The following SMYD3 variants were observed in gnomAD, a reference collection of about 807,000 sequenced individuals.
The protein encoded by SMYD3 is SET and MYND domain containing 3.
A neutral mutation model predicts 57.7 loss-of-function variants in SMYD3; 36 were observed. The ratio of observed to expected loss-of-function variants is 0.62; its 90% CI spans 0.48 to 0.82. SMYD3 has a LOEUF of 0.82. Ranked by LOEUF, SMYD3 falls within the 40% of genes least tolerant of loss-of-function variation. The probability of loss-of-function intolerance (pLI) is 0.00; values close to 1 mark genes in which losing one functional copy is unlikely to be tolerated. For missense variants in SMYD3, 515 were observed against 538.8 expected (o/e 0.96, Z 0.44); for synonymous variants, 211 against 195.0 (o/e 1.08, Z -0.68).
chr1:246,471,049 G>C (rs2067955150), intron 1 of SMYD3, among the ~76,000 whole-genome samples: 2 of 152,048 alleles, frequency 1.3e-5, no homozygotes, highest in Admixed American at 6.6e-5. Context: ...AAAGCCAATA[G>C]AGCAAATGTT....
At chr1:246,071,596 G>A (rs57536926) in intron 5 of SMYD3, among the ~76,000 whole-genome samples, 1,648 of 152,170 alleles carry the variant, frequency 0.011, 32 homozygotes, top group African/African-American at 0.037. Context: ...GAAAATATTG[G>A]TATACAGGCC....
chr1:245,948,990 C>T (rs143704482), intron 5 of SMYD3, among the ~76,000 whole-genome samples: 3,188 of 152,290 alleles, frequency 0.021, 52 homozygotes, highest in Middle Eastern at 0.092. Flanking sequence ...TGGGCCTGCC[C>T]GACCTGCCGC....
intron 8 of SMYD3, among the ~76,000 whole-genome samples, chr1:245,896,389 CAAAAAA>C (rs3052904): frequency 1.4e-5 from 1 of 73,734 alleles, no homozygotes; most frequent in Non-Finnish European, 2.3e-5. Flanking sequence ...TTTGCCAAGT[CAAAAAA>C]AAAAAAAAAA....
intron 5 of SMYD3, among the ~76,000 whole-genome samples, chr1:246,226,787 T>A (rs897152085): frequency 6.6e-6 from 1 of 152,216 alleles, no homozygotes; most frequent in Admixed American, 6.5e-5. Context: ...AAAGTGGAGA[T>A]ATGCAAGTAC....
At chr1:246,235,753 G>C (rs2063504571) in intron 5 of SMYD3, among the ~76,000 whole-genome samples, 2 of 152,068 alleles carry the variant, frequency 1.3e-5, no homozygotes, top group African/African-American at 4.8e-5. Flanking sequence ...AGAGCCCTTG[G>C]GGTCTTTTCA....
At chr1:245,921,065 T>C (rs745437964) in intron 7 of SMYD3, among the ~76,000 whole-genome samples, 4 of 152,144 alleles carry the variant, frequency 2.6e-5, no homozygotes, top group Non-Finnish European at 5.9e-5. Flanking sequence ...ACCCAGAATC[T>C]ATAAGGAACT....
intron 5 of SMYD3, among the ~76,000 whole-genome samples, chr1:246,308,734 G>T (rs879769247): frequency 3.9e-5 from 6 of 152,178 alleles, no homozygotes; most frequent in Non-Finnish European, 8.8e-5. Context: ...ATGATTAAAT[G>T]ACTTCAATAT....
chr1:245,934,071 A>G (rs2056869880), intron 5 of SMYD3, among the ~76,000 whole-genome samples: 1 of 152,224 alleles, frequency 6.6e-6, no homozygotes, highest in Non-Finnish European at 1.5e-5. Context: ...ACAACTATAC[A>G]GAGGTTTCCT....
intron 1 of SMYD3, among the ~76,000 whole-genome samples, chr1:246,409,151 C>A (rs1445143929): frequency 6.6e-6 from 1 of 152,124 alleles, no homozygotes; most frequent in African/African-American, 2.4e-5. Context: ...ATGGTGGTTT[C>A]TTTTGCTATG....
chr1:246,364,254 TAA>T (rs2066060720), intron 1 of SMYD3, among the ~76,000 whole-genome samples: 1 of 139,164 alleles, frequency 7.2e-6, no homozygotes, highest in Non-Finnish European at 1.6e-5. Flanking sequence ...AATTGTAAAA[TAA>T]AAACAATAAA....
chr1:245,824,543 C>T (rs978380314), intron 10 of SMYD3, among the ~76,000 whole-genome samples: 4 of 151,936 alleles, frequency 2.6e-5, no homozygotes, highest in Non-Finnish European at 5.9e-5. Context: ...ATGGTGAAAC[C>T]CCCAACTCTA....
chr1:246,035,653 T>C (rs2059761550), intron 5 of SMYD3: 1 of 152,234 alleles, frequency 6.6e-6, no homozygotes, highest in Non-Finnish European at 1.5e-5. Flanking sequence ...TTTGATTGCC[T>C]ATATTCCCAA....
intron 10 of SMYD3, among the ~76,000 whole-genome samples, chr1:245,816,828 C>T (rs1207252993): frequency 1.3e-5 from 2 of 152,182 alleles, no homozygotes; most frequent in African/African-American, 4.8e-5. Flanking sequence ...CCGAATATTG[C>T]GCTTTTCGGA....
At chr1:246,340,786 G>A (rs1021976341) in intron 2 of SMYD3, among the ~76,000 whole-genome samples, 1 of 151,978 alleles carries the variant, frequency 6.6e-6, no homozygotes, top group African/African-American at 2.4e-5. Context: ...AGCAACATAG[G>A]GAAATCCCAT....
At position 245,915,527 on chromosome 1, in the gene SMYD3, T is replaced by C; in HGVS notation, c.813+3A>G. 6.2e-7 allele frequency: 1 copy of C among 1,603,368 alleles called. No homozygotes were observed. The highest frequency in any genetic ancestry group is 1.1e-5 in the South Asian group (1 of 90,760). On this transcript the variant is annotated splice_donor_region_variant and intron_variant, in intron 8 of 11. Coordinates refer to ENST00000490107, the MANE Select transcript of SMYD3 (RefSeq NM_001167740.2). ...TGTTTCAATCTGGTTCCATACTACA[T>C]ACCTTGTCCTGGGTTTGGCAACGGA... is the stretch of plus-strand genomic sequence containing the variant.
At chr1:246,077,899 C>T (rs1558207908) in intron 5 of SMYD3, among the ~76,000 whole-genome samples, 1 of 151,978 alleles carries the variant, frequency 6.6e-6, no homozygotes, top group Non-Finnish European at 1.5e-5. Context: ...AGAAAACAAT[C>T]GTTTGTCAAA....
At chr1:246,354,312 A>T (rs2065876706) in intron 2 of SMYD3, among the ~76,000 whole-genome samples, 1 of 152,222 alleles carries the variant, frequency 6.6e-6, no homozygotes, top group Non-Finnish European at 1.5e-5. Context: ...AATTTCAAAG[A>T]TGTTAACAAC....
intron 5 of SMYD3, among the ~76,000 whole-genome samples, chr1:246,260,385 G>A (rs534924613): frequency 7.9e-5 from 12 of 152,276 alleles, no homozygotes; most frequent in Admixed American, 4.6e-4. Flanking sequence ...ACCAGGATCT[G>A]GGTGTCCCTC....
intron 5 of SMYD3, among the ~76,000 whole-genome samples, chr1:246,253,213 C>G (rs757567178): frequency 1.6e-4 from 24 of 152,092 alleles, no homozygotes; most frequent in African/African-American, 2.4e-4. Context: ...TACAAATGAG[C>G]CCATCACCCA....
Sources: allele counts gnomAD v4.1 joint callset (sites outside exome capture counted in the v4.1 genomes callset), GRCh38; gene constraint gnomAD v4.1.1; transcripts MANE v1.5; gene names NCBI Gene and HGNC (gene_info 2026-07-23, HGNC 2026-07-21).